The following ATP6V0A4 variants were observed in gnomAD, a reference collection of about 807,000 sequenced individuals.
The protein encoded by ATP6V0A4 is V-type proton ATPase 116 kDa subunit a 4.
ATP6V0A4 carries 86 observed loss-of-function variants against 107.3 expected under a neutral mutation model. The ratio of observed to expected loss-of-function variants is 0.80; its 90% CI spans 0.67 to 0.96. ATP6V0A4 has a LOEUF of 0.96. Ranked by LOEUF, ATP6V0A4 falls within the 40% of genes least tolerant of loss-of-function variation. ATP6V0A4 has a pLI of 0.00. For missense variants in ATP6V0A4, 908 were observed against 1,045.6 expected (o/e 0.87, Z 1.81); for synonymous variants, 353 against 381.4 (o/e 0.93, Z 0.87).
chr7:138,737,662 A>G (rs1805415126), intron 15 of ATP6V0A4, among the ~76,000 whole-genome samples: 1 of 149,530 alleles, frequency 6.7e-6, no homozygotes, highest in Non-Finnish European at 1.5e-5. Context: ...GCTTACTGCA[A>G]CCTCTGCTTC....
intron 21 of ATP6V0A4, among the ~76,000 whole-genome samples, chr7:138,707,166 T>C (rs186011952): frequency 0.018 from 1,317 of 74,574 alleles, 56 homozygotes; most frequent in African/African-American, 0.077. Context: ...ATATAATATA[T>C]TATATATATT....
intron 19 of ATP6V0A4, among the ~76,000 whole-genome samples, chr7:138,719,059 A>C (rs929241616): frequency 2.0e-5 from 3 of 151,956 alleles, no homozygotes; most frequent in Non-Finnish European, 4.4e-5. Flanking sequence ...GGTGGCATGC[A>C]CCTGCGGTCC....
At chr7:138,707,834 G>T (rs1015309026) in intron 21 of ATP6V0A4, among the ~76,000 whole-genome samples, 2 of 150,804 alleles carry the variant, frequency 1.3e-5, no homozygotes, top group African/African-American at 4.9e-5. Flanking sequence ...TTCCTTCATG[G>T]AAGGAGCTTC....
intron 3 of ATP6V0A4, among the ~76,000 whole-genome samples, chr7:138,769,488 T>C (rs562239285): frequency 6.6e-6 from 1 of 152,190 alleles, no homozygotes; most frequent in African/African-American, 2.4e-5. Flanking sequence ...CTAATTTTTG[T>C]ATTTGTAGTA....
chr7:138,742,900 C>CAAA (rs563017805), intron 14 of ATP6V0A4, among the ~76,000 whole-genome samples: 11,331 of 131,526 alleles, frequency 0.086, 976 homozygotes, highest in African/African-American at 0.2. Flanking sequence ...AATTGCAAAG[C>CAAA]AAAAAAAAAA....
At position 138,762,767 on chromosome 7, in the gene ATP6V0A4, C is replaced by G. The variant is rs527275280; in HGVS notation, c.417+133G>C. 2.9e-5 allele frequency: 32 copies of G among 1,107,176 alleles called. No homozygotes were observed. In the South Asian group the frequency reaches 4.0e-4, roughly 14 times the overall value. The allele number at this position is 1,107,176 out of a possible 1,614,324, so 68.6% of individuals were successfully genotyped here. ...AATTATTCCACCCAAAATACTCCCC[C>G]GCCCTCACCAATGGCCTAGCCATGG... On this transcript the variant is annotated intron_variant, in intron 6 of 21. Transcript: ENST00000310018.
chr7:138,720,394 G>A (rs1306889995), intron 19 of ATP6V0A4, among the ~76,000 whole-genome samples: 2 of 152,158 alleles, frequency 1.3e-5, no homozygotes, highest in Non-Finnish European at 2.9e-5. Flanking sequence ...GCTCATGTTG[G>A]AGGTGGCAGG....
chr7:138,778,231 C>G (rs924437307), intron 2 of ATP6V0A4, among the ~76,000 whole-genome samples: 3 of 151,868 alleles, frequency 2.0e-5, no homozygotes, highest in African/African-American at 7.3e-5. Context: ...AAAAAATTAG[C>G]GGGGCGTGGT....
At chr7:138,707,679 G>C (rs955730431) in intron 21 of ATP6V0A4, among the ~76,000 whole-genome samples, 8 of 151,528 alleles carry the variant, frequency 5.3e-5, no homozygotes, top group Admixed American at 4.6e-4. Flanking sequence ...TGGGATTACA[G>C]GTGTAAGCCA....
intron 10 of ATP6V0A4, among the ~76,000 whole-genome samples, chr7:138,754,653 C>G (rs1673199): frequency 1.3e-5 from 2 of 151,764 alleles, no homozygotes; most frequent in Non-Finnish European, 2.9e-5. Flanking sequence ...GATGGAGTCT[C>G]GCTTTGTTGC....
intron 1 of ATP6V0A4, among the ~76,000 whole-genome samples, chr7:138,789,235 G>A (rs1377652844): frequency 6.6e-6 from 1 of 150,472 alleles, no homozygotes; most frequent in Non-Finnish European, 1.5e-5. Flanking sequence ...TTTTTTTGTT[G>A]TTGTTGTTGT....
chr7:138,717,606 AT>A (rs1804112666), intron 19 of ATP6V0A4, among the ~76,000 whole-genome samples: 1 of 151,786 alleles, frequency 6.6e-6, no homozygotes, highest in African/African-American at 2.4e-5. Flanking sequence ...AAACATCTTC[AT>A]TCAGAGATAA....
chr7:138,747,416 G>GAC lies in ATP6V0A4; in HGVS notation c.1320+7_1320+8dup, dbSNP rs1168232133. ...ATGAATCAGGGCAAGACGGTCAATG[G>GAC]ACACTCACCTCATTGTCTGTCTTCT... On this transcript the variant is annotated intron_variant, in intron 13 of 21. Transcript: ENST00000310018. 1.2e-6 allele frequency: 2 copies of GAC among 1,613,810 alleles called. No individual in the cohort carries two copies. Among genetic ancestry groups the GAC allele is most frequent in the Admixed American group, 3.3e-5 (2 of 60,010 alleles).
At chr7:138,794,508 G>T (rs746392696) in intron 1 of ATP6V0A4, among the ~76,000 whole-genome samples, 10 of 152,088 alleles carry the variant, frequency 6.6e-5, no homozygotes, top group Non-Finnish European at 1.3e-4. Flanking sequence ...TCTTATCAGG[G>T]ATAACAGGTG....
At chr7:138,731,824 C>T (rs1054504327) in intron 17 of ATP6V0A4, among the ~76,000 whole-genome samples, 2 of 151,730 alleles carry the variant, frequency 1.3e-5, no homozygotes, top group Non-Finnish European at 1.5e-5. Flanking sequence ...ACCCAGGAGG[C>T]GGAGGTCGCA....
intron 13 of ATP6V0A4, among the ~76,000 whole-genome samples, chr7:138,745,943 C>CAAA (rs1185253786): frequency 4.4e-4 from 32 of 72,288 alleles, no homozygotes; most frequent in Non-Finnish European, 7.0e-4. Context: ...GACTCTGTCT[C>CAAA]AAAAAAAAAA....
At chr7:138,783,718 C>T (rs1475997186) in intron 2 of ATP6V0A4, among the ~76,000 whole-genome samples, 1 of 152,082 alleles carries the variant, frequency 6.6e-6, no homozygotes. Flanking sequence ...AAGAGTAAGA[C>T]CCTGTCTCAA....
At chr7:138,768,995 T>A in intron 4 of ATP6V0A4, 121 bp from the exon 5 acceptor site, 1 of 1,572,790 alleles carries the variant, frequency 6.4e-7, no homozygotes, top group Middle Eastern at 1.7e-4. Flanking sequence ...TCCTAGGAGC[T>A]GCCACAGCAC....
Position 138,745,121 on chromosome 7 carries a change from A to C in ATP6V0A4, c.1478+2T>G, listed in dbSNP as rs766587351. 44 of 1,611,992 alleles carry C rather than the reference A, an allele frequency of 2.7e-5. No homozygotes were observed. Among genetic ancestry groups the C allele is most frequent in the Non-Finnish European group, 3.7e-5 (44 of 1,178,106 alleles). ...CTACACCATCTCTGTCTGTCAACTC[A>C]CTTCCATGTGCCGTTTCTGAACATG... On this transcript the variant is annotated splice_donor_variant, in intron 14 of 21. Transcript: ENST00000310018. LOFTEE classifies it high-confidence loss of function.
Sources: allele counts gnomAD v4.1 joint callset (sites outside exome capture counted in the v4.1 genomes callset), GRCh38; gene constraint gnomAD v4.1.1; transcripts MANE v1.5; gene names NCBI Gene and HGNC (gene_info 2026-07-23, HGNC 2026-07-21).